TXNDC16: variants seen among roughly 807,000 people sequenced by gnomAD.
TXNDC16 encodes the protein thioredoxin domain-containing protein 16.
A neutral mutation model predicts 85.6 loss-of-function variants in TXNDC16; 74 were observed. The observed-to-expected ratio is 0.86, with a 90% CI of 0.72 to 1.05. TXNDC16 has a LOEUF of 1.05. Among genes scored for constraint, TXNDC16 ranks in the 50% least tolerant of loss-of-function variants. The pLI, the probability that TXNDC16 is intolerant of heterozygous loss-of-function variation, is 0.00. For synonymous variants in TXNDC16, 335 were observed against 326.5 expected, an observed-to-expected ratio of 1.03 and a Z score of -0.28; for missense variants, 959 against 947.0, an observed-to-expected ratio of 1.01 and a Z score of -0.17.
intron 9 of TXNDC16, among the ~76,000 whole-genome samples, chr14:52,493,216 T>TATATATACACAC: frequency 1.7e-5 from 2 of 115,942 alleles, no homozygotes; most frequent in African/African-American, 7.1e-5. Flanking sequence ...TATATATATA[T>TATATATACACAC]ACACACACAC....
chr14:52,462,818 T>G (rs2035682417), intron 16 of TXNDC16: 2 of 400,728 alleles, frequency 5.0e-6, no homozygotes, highest in South Asian at 3.7e-5. Flanking sequence ...TTACCTTTAG[T>G]AACATTTTGC....
chr14:52,530,374 A>ATAATAATATAATAT (rs2037498843), intron 6 of TXNDC16, among the ~76,000 whole-genome samples: 2 of 30,100 alleles, frequency 6.6e-5, no homozygotes, highest in African/African-American at 3.7e-4. Flanking sequence ...ATTATTATAT[A>ATAATAATATAATAT]ATATTATATA....
At chr14:52,474,308 T>C (rs1476785393) in intron 14 of TXNDC16, among the ~76,000 whole-genome samples, 1 of 152,264 alleles carries the variant, frequency 6.6e-6, no homozygotes, top group African/African-American at 2.4e-5. Flanking sequence ...ATTTATATTT[T>C]CTCCTCCTTT....
intron 14 of TXNDC16, among the ~76,000 whole-genome samples, chr14:52,477,004 G>C (rs1359519298): frequency 6.6e-6 from 1 of 152,174 alleles, no homozygotes; most frequent in African/African-American, 2.4e-5. Flanking sequence ...AGCTAGAAAG[G>C]ATTGGGGCCC....
chr14:52,442,401 G>C (rs563919689), intron 18 of TXNDC16, among the ~76,000 whole-genome samples: 23 of 152,248 alleles, frequency 1.5e-4, no homozygotes, highest in Non-Finnish European at 2.6e-4. Context: ...CAGGCATTCT[G>C]CTCACCAGTT....
chr14:52,530,581 AT>A (rs1188459598), intron 6 of TXNDC16, among the ~76,000 whole-genome samples: 1 of 33,608 alleles, frequency 3.0e-5, no homozygotes. Flanking sequence ...ATATATAATT[AT>A]TATATATAAT....
intron 14 of TXNDC16, 55 bp downstream of exon 14, chr14:52,482,175 C>T: frequency 6.8e-7 from 1 of 1,465,766 alleles, no homozygotes; most frequent in Non-Finnish European, 9.2e-7. Context: ...CATAGTTTTA[C>T]AAATAGCTAC....
intron 16 of TXNDC16, among the ~76,000 whole-genome samples, chr14:52,464,747 C>A (rs2035732718): frequency 6.6e-6 from 1 of 152,094 alleles, no homozygotes; most frequent in African/African-American, 2.4e-5. Flanking sequence ...GCCTGGCCAA[C>A]ACAGTGAAAC....
chr14:52,456,264 C>A (rs893304955), intron 17 of TXNDC16, among the ~76,000 whole-genome samples: 4 of 152,152 alleles, frequency 2.6e-5, no homozygotes, highest in African/African-American at 9.7e-5. Context: ...AAAACACACT[C>A]TGAAAACTAC....
chr14:52,516,075 T>C (rs2140188447), intron 7 of TXNDC16, among the ~76,000 whole-genome samples: 1 of 152,274 alleles, frequency 6.6e-6, no homozygotes, highest in South Asian at 2.1e-4. Context: ...TACTATCAAA[T>C]CAATCTTCTT....
At chr14:52,463,830 T>C (rs979002436) in intron 16 of TXNDC16, among the ~76,000 whole-genome samples, 65 of 152,358 alleles carry the variant, frequency 4.3e-4, no homozygotes, top group African/African-American at 1.4e-3. Context: ...GTTAATAAAT[T>C]CATAAGATTT....
chr14:52,447,082 G>A (rs142484713), intron 18 of TXNDC16, among the ~76,000 whole-genome samples: 106 of 152,148 alleles, frequency 7.0e-4, no homozygotes, highest in African/African-American at 2.3e-3. Flanking sequence ...GCCAGAGAAG[G>A]GTAGAACACC....
At chr14:52,440,853 TAGAG>T in intron 18 of TXNDC16, 129 bp from the exon 19 acceptor site, 7 of 804,426 alleles carry the variant, frequency 8.7e-6, no homozygotes, top group Non-Finnish European at 1.3e-5. Flanking sequence ...TTCACTTAAG[TAGAG>T]ATTTTACTAT....
At chr14:52,466,803 C>T (rs2035787566) in intron 16 of TXNDC16, among the ~76,000 whole-genome samples, 1 of 151,350 alleles carries the variant, frequency 6.6e-6, no homozygotes, top group Non-Finnish European at 1.5e-5. Context: ...GGAGGCGGAG[C>T]TTGCAGTGAG....
At chr14:52,445,173 T>G (rs1022441769) in intron 18 of TXNDC16, among the ~76,000 whole-genome samples, 4 of 152,154 alleles carry the variant, frequency 2.6e-5, no homozygotes, top group Non-Finnish European at 4.4e-5. Context: ...AACAAAGGCT[T>G]CTAGTAATTC....
chr14:52,438,659 G>T (rs932866981), intron 20 of TXNDC16, among the ~76,000 whole-genome samples: 1 of 151,978 alleles, frequency 6.6e-6, no homozygotes, highest in African/African-American at 2.4e-5. Context: ...TATTGTGGTG[G>T]TCTCATACTG....
At chr14:52,470,757 T>A in intron 14 of TXNDC16, 77 bp from the exon 15 acceptor site, 1 of 1,364,214 alleles carries the variant, frequency 7.3e-7, no homozygotes, top group East Asian at 2.4e-5. Context: ...AGTATTTTTC[T>A]ATCCCATTCT....
intron 12 of TXNDC16, among the ~76,000 whole-genome samples, chr14:52,484,200 G>T (rs992988803): frequency 5.4e-5 from 5 of 92,782 alleles, no homozygotes; most frequent in African/African-American, 2.3e-4. Flanking sequence ...AAACAATAAG[G>T]GGGGGGGGTG....
rs542714722 is a variant in TXNDC16, at chr14:52,495,596, T to C, written c.757-4591A>G. On this transcript the variant is annotated intron_variant, in intron 9 of 20. Coordinates refer to ENST00000281741, the MANE Select transcript of TXNDC16 (RefSeq NM_020784.3). ...ATGGGATGGGAGGTACTGTTGGACT[T>C]TGTGAGTCTTGGAGAAAGGAGTGAA... Among the ~76,000 whole-genome samples the C allele has an allele frequency of 8.5e-5, 13 of 152,186 alleles. 1 individual carries two copies. The East Asian group carries it at 2.3e-3, about 27-fold the overall frequency.
Sources: gnomAD v4.1 joint callset for allele counts (sites outside exome capture counted in the v4.1 genomes callset) on GRCh38, gnomAD v4.1.1 for gene constraint, MANE v1.5 for transcripts, NCBI Gene and HGNC (gene_info 2026-07-23, HGNC 2026-07-21) for gene names.